Variants in KCNK10 observed in about 807,000 individuals in gnomAD.
The protein encoded by KCNK10 is potassium two pore domain channel subfamily K member 10.
A neutral mutation model predicts 47.7 loss-of-function variants in KCNK10; 25 were observed. The ratio of observed to expected loss-of-function variants is 0.52; its 90% CI spans 0.38 to 0.73. The LOEUF is 0.73. KCNK10 is among the 30% of genes least tolerant of loss of function. The probability of loss-of-function intolerance (pLI) is 0.00; values close to 1 mark genes in which losing one functional copy is unlikely to be tolerated. For synonymous variants in KCNK10, 303 were observed against 285.6 expected (o/e 1.06, Z -0.61); for missense variants, 563 against 714.5 (o/e 0.79, Z 2.42).
intron 1 of KCNK10, among the ~76,000 whole-genome samples, chr14:88,320,757 C>A (rs1374854259): frequency 1.3e-5 from 2 of 152,180 alleles, no homozygotes; most frequent in African/African-American, 2.4e-5. Flanking sequence ...TATCTGGTCC[C>A]CTACATCCAC....
chr14:88,222,909 C>A (rs148562184), intron 4 of KCNK10, among the ~76,000 whole-genome samples: 1 of 152,184 alleles, frequency 6.6e-6, no homozygotes, highest in Non-Finnish European at 1.5e-5. Context: ...GCTGATAGCA[C>A]AAGCCTGAGT....
chr14:88,323,474 G>A (rs1374904888), upstream of KCNK10, among the ~76,000 whole-genome samples: 15 of 149,770 alleles, frequency 1.0e-4, no homozygotes, highest in Non-Finnish European at 1.8e-4. Context: ...GAGGGAGCAG[G>A]GCGAGCAGCG....
intron 4 of KCNK10, among the ~76,000 whole-genome samples, chr14:88,211,970 G>C (rs1235591942): frequency 6.6e-6 from 1 of 150,878 alleles, no homozygotes; most frequent in Admixed American, 6.6e-5. Flanking sequence ...AAAAAAGAAA[G>C]CCCAGAATGT....
Position 88,322,640 on chromosome 14 carries a change from G to A in KCNK10, c.52+107C>T. ...CTGCAGTTCCCAGGCGCATTTCCCA[G>A]CCTCAGGACACACGCTGCCAGAAGC... On this transcript the variant is annotated intron_variant, in intron 1 of 6. Coordinates refer to ENST00000319231, the MANE Select transcript of KCNK10 (RefSeq NM_138317.3). The surrounding 1 kb of genome is among the most constrained non-coding windows in gnomAD (Gnocchi z 4.8). 6.7e-7 allele frequency: 1 copy of A among 1,492,336 alleles called. No individual in the cohort carries two copies. Among genetic ancestry groups the A allele is most frequent in the South Asian group, 1.2e-5 (1 of 86,438 alleles). 92.4% of individuals were successfully genotyped at this position (1,492,336 alleles called of 1,614,324 possible). A position where few individuals can be genotyped will look rare whatever the true frequency, so the allele number is the denominator to read the frequency against.
At chr14:88,318,964 T>C (rs185431030) in intron 1 of KCNK10, among the ~76,000 whole-genome samples, 2 of 152,304 alleles carry the variant, frequency 1.3e-5, no homozygotes, top group Admixed American at 1.3e-4. Flanking sequence ...TTAATACACA[T>C]AAGCAGCAAG....
chr14:88,186,445 G>A lies in KCNK10; in HGVS notation c.1012-290C>T, dbSNP rs943759706. 1.2e-4 allele frequency among the ~76,000 whole-genome samples: 18 copies of A among 152,174 alleles called. No individual in the cohort carries two copies. Among genetic ancestry groups the A allele is most frequent in the Admixed American group, 1.0e-3 (16 of 15,284 alleles). ...AAGAGAGGGGGACGGCATCCTGCAGGAGAGGTTAAAATGTGGAGTTGGACA... is the reference window on the plus strand; with the variant it reads ...AAGAGAGGGGGACGGCATCCTGCAGAAGAGGTTAAAATGTGGAGTTGGACA... On this transcript the variant is annotated intron_variant, in intron 6 of 6. Coordinates refer to ENST00000319231, the MANE Select transcript of KCNK10 (RefSeq NM_138317.3). This position sits in a 1 kb window ranked among gnomAD's most constrained non-coding sequence, Gnocchi z 5.5.
chr14:88,306,158 T>C (rs1244589151), intron 1 of KCNK10, among the ~76,000 whole-genome samples: 1 of 152,218 alleles, frequency 6.6e-6, no homozygotes, highest in East Asian at 1.9e-4. Flanking sequence ...CTGAAAGTCT[T>C]ACATAAACCC....
intron 3 of KCNK10, among the ~76,000 whole-genome samples, chr14:88,231,424 C>T (rs906744912): frequency 5.3e-5 from 8 of 152,200 alleles, no homozygotes; most frequent in Non-Finnish European, 1.0e-4. Context: ...CTGGTCCTGA[C>T]CAGAGGCTCT....
Position 88,183,746 on chromosome 14 carries a change from G to C in KCNK10, c.*1789C>G, listed in dbSNP as rs372583970. 2.0e-5 allele frequency: 3 copies of C among 152,376 alleles called. No individual in the cohort carries two copies. The highest frequency in any genetic ancestry group is 2.9e-5 in the Non-Finnish European group (2 of 68,072). 9.4% of individuals were successfully genotyped at this position (152,376 alleles called of 1,614,324 possible). A position where few individuals can be genotyped will look rare whatever the true frequency, so the allele number is the denominator to read the frequency against. On this transcript the variant is annotated 3_prime_UTR_variant, in exon 7 of 7. Transcript: ENST00000319231. ...GGGAGATGGGACTTCATGTGCTCCA[G>C]GCAGGGAAGAGCTGTGCATTTTTGA...
chr14:88,247,320 TGGCAGTCAAGCCTG>T (rs1401321077), intron 2 of KCNK10, among the ~76,000 whole-genome samples: 3 of 152,026 alleles, frequency 2.0e-5, no homozygotes, highest in African/African-American at 4.8e-5. Context: ...ACAGCCAATA[TGGCAGTCAAGCCTG>T]GGCTGACCTG....
chr14:88,289,064 A>C (rs1887825488), intron 1 of KCNK10, among the ~76,000 whole-genome samples: 1 of 152,164 alleles, frequency 6.6e-6, no homozygotes, highest in South Asian at 2.1e-4. Context: ...GATTCAACCC[A>C]GCACCCGGGT....
chr14:88,188,398 G>A (rs564781338), intron 5 of KCNK10, among the ~76,000 whole-genome samples: 19 of 152,280 alleles, frequency 1.2e-4, no homozygotes, highest in African/African-American at 3.4e-4. Flanking sequence ...TGACCTGAGC[G>A]TTAAGGATGA....
At chr14:88,308,540 C>T (rs1016805483) in intron 1 of KCNK10, among the ~76,000 whole-genome samples, 9 of 152,382 alleles carry the variant, frequency 5.9e-5, no homozygotes, top group Middle Eastern at 3.4e-3. Context: ...CAAAAAGTTA[C>T]TATCTGCTAG....
intron 4 of KCNK10, among the ~76,000 whole-genome samples, chr14:88,203,974 T>A (rs779031453): frequency 6.6e-6 from 1 of 152,184 alleles, no homozygotes; most frequent in African/African-American, 2.4e-5. Flanking sequence ...CAAATGTAGA[T>A]GCAGAGAAAA....
At position 88,312,221 on chromosome 14, in the gene KCNK10, T is replaced by C. The variant is rs1304643046; in HGVS notation, c.52+10526A>G. On this transcript the variant is annotated intron_variant, in intron 1 of 6. Coordinates refer to ENST00000319231, the MANE Select transcript of KCNK10 (RefSeq NM_138317.3). ...CTGCCTCAGGAATAAGCCAGGCATG[T>C]AATGTTTGGAAACATGGGAACCTCT... 3.3e-5 allele frequency among the ~76,000 whole-genome samples: 5 copies of C among 152,196 alleles called. No homozygotes were observed. The East Asian group carries it at 9.6e-4, about 29-fold the overall frequency.
At chr14:88,228,543 A>G (rs1378251292) in intron 3 of KCNK10, among the ~76,000 whole-genome samples, 1 of 152,206 alleles carries the variant, frequency 6.6e-6, no homozygotes, top group Non-Finnish European at 1.5e-5. Flanking sequence ...TAATCTAACC[A>G]TTCTCCCAAA....
At chr14:88,235,108 T>C (rs1337491033) in intron 3 of KCNK10, 2 of 455,678 alleles carry the variant, frequency 4.4e-6, no homozygotes, top group Non-Finnish European at 4.4e-6. Context: ...AACAGGGAGG[T>C]AGGACAGAAA....
intron 5 of KCNK10, among the ~76,000 whole-genome samples, chr14:88,188,801 T>C (rs1182151660): frequency 2.0e-5 from 3 of 152,202 alleles, no homozygotes; most frequent in Admixed American, 6.5e-5. Context: ...TCAAACCAAA[T>C]TGGCCAGTTG....
chr14:88,311,882 G>C (rs1457103262), intron 1 of KCNK10, among the ~76,000 whole-genome samples: 1 of 151,940 alleles, frequency 6.6e-6, no homozygotes, highest in East Asian at 1.9e-4. Context: ...AAAGAATAGA[G>C]GGGAAAACAA....
Sources: gnomAD v4.1 joint callset for allele counts (sites outside exome capture counted in the v4.1 genomes callset) on GRCh38, gnomAD v4.1.1 for gene constraint, Gnocchi (gnomAD v3.1) non-coding constraint, MANE v1.5 for transcripts, NCBI Gene and HGNC (gene_info 2026-07-23, HGNC 2026-07-21) for gene names.